SSBP3: variants seen among roughly 807,000 people sequenced by gnomAD.
SSBP3 encodes single-stranded DNA-binding protein 3.
In SSBP3, 5 loss-of-function variants were observed where a neutral mutation model predicts 69.6. The observed-to-expected ratio is 0.07, with a 90% CI of 0.04 to 0.15. SSBP3 has a LOEUF of 0.15. SSBP3 is among the 10% of genes least tolerant of loss of function. The probability of loss-of-function intolerance (pLI) is 1.00; values close to 1 mark genes in which losing one functional copy is unlikely to be tolerated. For synonymous variants in SSBP3, 196 were observed against 193.4 expected, an observed-to-expected ratio of 1.01 and a Z score of -0.11; for missense variants, 312 against 534.0, an observed-to-expected ratio of 0.58 and a Z score of 4.10.
chr1:54,251,322 T>C (rs1377723754), intron 9 of SSBP3, among the ~76,000 whole-genome samples: 2 of 152,182 alleles, frequency 1.3e-5, no homozygotes, highest in African/African-American at 4.8e-5. Context: ...GACCCCATGA[T>C]AGGCTACCGC....
chr1:54,384,178 GA>G (rs1647904688), intron 4 of SSBP3, among the ~76,000 whole-genome samples: 1 of 151,016 alleles, frequency 6.6e-6, no homozygotes, highest in Admixed American at 6.6e-5. Context: ...AGAGGCCTCA[GA>G]AGTTGTCAAA....
At chr1:54,401,609 A>G (rs542662943) in intron 4 of SSBP3, among the ~76,000 whole-genome samples, 48 of 152,114 alleles carry the variant, frequency 3.2e-4, no homozygotes, top group Non-Finnish European at 5.3e-4. Context: ...GTACAACACC[A>G]TTTAATTCTC....
chr1:54,336,849 G>A (rs751120702), intron 4 of SSBP3, among the ~76,000 whole-genome samples: 1 of 152,088 alleles, frequency 6.6e-6, no homozygotes, highest in Non-Finnish European at 1.5e-5. Flanking sequence ...AGCCACGTGC[G>A]TGGTAACCAC....
chr1:54,270,764 C>T (rs1645179349), intron 5 of SSBP3, among the ~76,000 whole-genome samples: 1 of 152,196 alleles, frequency 6.6e-6, no homozygotes, highest in South Asian at 2.1e-4. Context: ...GGGCTTCATA[C>T]ACATCATCTC....
intron 4 of SSBP3, among the ~76,000 whole-genome samples, chr1:54,397,726 C>A (rs989768534): frequency 4.6e-5 from 7 of 152,190 alleles, no homozygotes; most frequent in African/African-American, 1.7e-4. Context: ...CACTGGGAAT[C>A]AGAGAGGCCT....
chr1:54,405,270 G>A (rs763122971), intron 1 of SSBP3, among the ~76,000 whole-genome samples: 1 of 152,266 alleles, frequency 6.6e-6, no homozygotes, highest in South Asian at 2.1e-4. Context: ...TGCTCGCTAC[G>A]CTCTCGCCAG....
rs1202716232 is a variant in SSBP3, at chr1:54,263,178, A to C, written c.367-5029T>G. On this transcript the variant is annotated intron_variant, in intron 5 of 17. Coordinates refer to ENST00000610401, the Ensembl canonical transcript of SSBP3. ...ACTGATGGTTAGTGAAAAAGCCTTT[A>C]CCCACACTGACAGCGTGGGGAGCAG... Among the ~76,000 whole-genome samples, 3 of 152,266 alleles carry C rather than the reference A, an allele frequency of 2.0e-5. No individual in the cohort carries two copies. The East Asian group carries it at 5.8e-4, about 29-fold the overall frequency.
At chr1:54,225,448 C>T in exon 18 of SSBP3, 9 of 1,220,912 alleles carry the variant, frequency 7.4e-6, no homozygotes, top group Non-Finnish European at 9.2e-6. Flanking sequence ...AAAAAGATGT[C>T]CCTTTAATAA....
intron 4 of SSBP3, among the ~76,000 whole-genome samples, chr1:54,317,659 T>C (rs1646137930): frequency 6.6e-6 from 1 of 152,190 alleles, no homozygotes. Context: ...ATAGTAAATG[T>C]TTCCCTTTCA....
intron 4 of SSBP3, among the ~76,000 whole-genome samples, chr1:54,301,618 G>A (rs778983353): frequency 1.3e-5 from 2 of 152,312 alleles, no homozygotes; most frequent in East Asian, 3.9e-4. Flanking sequence ...AGGCGCTCAG[G>A]CCAGGGAGAG....
chr1:54,250,464 T>C (rs1434247124), intron 9 of SSBP3, among the ~76,000 whole-genome samples: 1 of 148,574 alleles, frequency 6.7e-6, no homozygotes, highest in Non-Finnish European at 1.5e-5. Context: ...TGGGGCGGAT[T>C]CTGGGATGGA....
upstream of SSBP3, among the ~76,000 whole-genome samples, chr1:54,406,990 A>G (rs920342617): frequency 1.3e-5 from 2 of 151,426 alleles, no homozygotes; most frequent in South Asian, 4.2e-4. Context: ...CCTCTCGCCC[A>G]GTCTGGCTTC....
intron 4 of SSBP3, among the ~76,000 whole-genome samples, chr1:54,317,292 C>T (rs1646130543): frequency 6.6e-6 from 1 of 152,174 alleles, no homozygotes. Context: ...CATCTCAGCA[C>T]TTTGGAGGCC....
At chr1:54,401,747 A>G (rs1293954090) in intron 4 of SSBP3, 114 bp downstream of exon 4, 2 of 810,306 alleles carry the variant, frequency 2.5e-6, no homozygotes, top group Admixed American at 4.7e-5. Flanking sequence ...ACAGAAAGAA[A>G]CGCAAGAAGC....
At chr1:54,277,274 G>A (rs565425467) in intron 5 of SSBP3, among the ~76,000 whole-genome samples, 3 of 152,012 alleles carry the variant, frequency 2.0e-5, no homozygotes, top group South Asian at 2.1e-4. Flanking sequence ...TCATTCTCAC[G>A]GTGTTCTCAG....
At chr1:54,241,582 C>G (rs1644639410) in intron 11 of SSBP3, 73 bp from the exon 12 acceptor site, 5 of 1,502,888 alleles carry the variant, frequency 3.3e-6, no homozygotes, top group Non-Finnish European at 4.6e-6. Context: ...TCCCTGAGGA[C>G]ACGACCCACT....
At chr1:54,405,907 C>G (rs1176001885) in intron 1 of SSBP3, 46 bp downstream of exon 1, 2 of 1,185,336 alleles carry the variant, frequency 1.7e-6, no homozygotes, top group Non-Finnish European at 2.2e-6. Flanking sequence ...CCCGCCCGCC[C>G]GCAGCCCGGC....
intron 4 of SSBP3, among the ~76,000 whole-genome samples, chr1:54,373,633 G>A (rs1221127425): frequency 6.6e-6 from 1 of 152,046 alleles, no homozygotes; most frequent in East Asian, 1.9e-4. Context: ...CATATGTGGC[G>A]GCGCATGCCT....
At chr1:54,302,724 A>C (rs1459515580) in intron 4 of SSBP3, among the ~76,000 whole-genome samples, 1 of 152,238 alleles carries the variant, frequency 6.6e-6, no homozygotes, top group Non-Finnish European at 1.5e-5. Context: ...CACTGACGTG[A>C]TATCAACCAG....
Sources: allele counts gnomAD v4.1 joint callset (sites outside exome capture counted in the v4.1 genomes callset), GRCh38; gene constraint gnomAD v4.1.1; transcripts MANE v1.5; gene names NCBI Gene and HGNC (gene_info 2026-07-23, HGNC 2026-07-21).